Variants in RELL1 observed in about 807,000 individuals in gnomAD.
The protein encoded by RELL1 is RELT-like protein 1.
In RELL1, 10 loss-of-function variants were observed where a neutral mutation model predicts 23.0. The ratio of observed to expected loss-of-function variants is 0.43; its 90% CI spans 0.27 to 0.74. The LOEUF is 0.74. RELL1 is among the 30% of genes least tolerant of loss of function. The pLI is 0.19. For missense variants in RELL1, 315 were observed against 364.4 expected (o/e 0.86, Z 1.10); for synonymous variants, 146 against 146.8 (o/e 0.99, Z 0.04).
At chr4:37,680,399 G>A (rs1054355483) in intron 1 of RELL1, among the ~76,000 whole-genome samples, 4 of 152,108 alleles carry the variant, frequency 2.6e-5, no homozygotes, top group Admixed American at 2.6e-4. Context: ...ATGCACAGAG[G>A]CATTCATTGA....
downstream of RELL1, among the ~76,000 whole-genome samples, chr4:37,607,785 TC>T (rs1719268690): frequency 6.6e-6 from 1 of 152,060 alleles, no homozygotes; most frequent in Non-Finnish European, 1.5e-5. Context: ...AGACAAGGTT[TC>T]ACCATGGTGG....
intron 6 of RELL1, among the ~76,000 whole-genome samples, chr4:37,592,876 C>T (rs529248311): frequency 6.6e-6 from 1 of 152,322 alleles, no homozygotes; most frequent in South Asian, 2.1e-4. Flanking sequence ...ATTTTTACAT[C>T]CCCACAACTG....
At chr4:37,605,797 A>AGAGAGAG (rs772155221), downstream of RELL1, among the ~76,000 whole-genome samples, 101 of 90,422 alleles carry the variant, frequency 1.1e-3, no homozygotes, top group African/African-American at 3.8e-3. Context: ...AAGAAAGAGA[A>AGAGAGAG]AGAAAGAAAG....
intron 6 of RELL1, among the ~76,000 whole-genome samples, chr4:37,624,574 CCA>C (rs1719877339): frequency 6.6e-6 from 1 of 151,784 alleles, no homozygotes; most frequent in Non-Finnish European, 1.5e-5. Flanking sequence ...CAGGCACCCG[CCA>C]CCACGCCCGG....
chr4:37,675,532 G>C (rs1721999343), intron 1 of RELL1, among the ~76,000 whole-genome samples: 1 of 152,218 alleles, frequency 6.6e-6, no homozygotes. Flanking sequence ...CATATGCTCA[G>C]CTGCCTCAAG....
At chr4:37,671,261 T>A (rs1200758987) in intron 1 of RELL1, among the ~76,000 whole-genome samples, 1 of 152,152 alleles carries the variant, frequency 6.6e-6, no homozygotes, top group Non-Finnish European at 1.5e-5. Context: ...ATCAGAGGCG[T>A]TTGAACCAGA....
At chr4:37,630,368 T>TTC (rs1553873315) in intron 6 of RELL1, among the ~76,000 whole-genome samples, 1 of 132,972 alleles carries the variant, frequency 7.5e-6, no homozygotes, top group Admixed American at 7.7e-5. Context: ...TTTTTTTTTT[T>TTC]TTTTTTTTTT....
downstream of RELL1, among the ~76,000 whole-genome samples, chr4:37,609,272 G>C (rs558275697): frequency 6.6e-6 from 1 of 152,250 alleles, no homozygotes; most frequent in South Asian, 2.1e-4. Flanking sequence ...AAACAGCCTA[G>C]ATAACAGCAC....
chr4:37,677,534 TA>T (rs1053152089), intron 1 of RELL1, among the ~76,000 whole-genome samples: 1 of 152,154 alleles, frequency 6.6e-6, no homozygotes, highest in African/African-American at 2.4e-5. Flanking sequence ...CATCAAATAC[TA>T]AAGAAAAACT....
chr4:37,639,739 C>A (rs929424023), intron 3 of RELL1, among the ~76,000 whole-genome samples: 2 of 152,230 alleles, frequency 1.3e-5, no homozygotes, highest in African/African-American at 4.8e-5. Context: ...GCACTGTTCT[C>A]ATGACTAACC....
intron 1 of RELL1, among the ~76,000 whole-genome samples, chr4:37,653,014 G>A (rs1319292219): frequency 6.6e-6 from 1 of 152,154 alleles, no homozygotes; most frequent in Non-Finnish European, 1.5e-5. Flanking sequence ...TGACTAATCT[G>A]TGATAATTTT....
At chr4:37,667,822 T>C (rs1026336141) in intron 1 of RELL1, among the ~76,000 whole-genome samples, 2 of 152,048 alleles carry the variant, frequency 1.3e-5, no homozygotes, top group African/African-American at 4.8e-5. Context: ...CTGATCTACA[T>C]ATAACACTGA....
downstream of RELL1, chr4:37,590,319 C>T (rs750078312): frequency 8.7e-6 from 14 of 1,613,648 alleles, no homozygotes; most frequent in South Asian, 3.3e-5. Context: ...CACAGGGGGA[C>T]GCTGGAGGGG....
At chr4:37,658,020 G>A (rs1258471580) in intron 1 of RELL1, among the ~76,000 whole-genome samples, 1 of 152,140 alleles carries the variant, frequency 6.6e-6, no homozygotes, top group Non-Finnish European at 1.5e-5. Flanking sequence ...TGGGTAGGAG[G>A]ATTACTTGAG....
chr4:37,676,677 C>T (rs1206194533), intron 1 of RELL1, among the ~76,000 whole-genome samples: 1 of 152,162 alleles, frequency 6.6e-6, no homozygotes, highest in Non-Finnish European at 1.5e-5. Flanking sequence ...CCCACAGAGG[C>T]TGGCAGACAA....
chr4:37,632,700 T>C (rs953630331), intron 5 of RELL1, among the ~76,000 whole-genome samples: 1 of 148,936 alleles, frequency 6.7e-6, no homozygotes, highest in Non-Finnish European at 1.5e-5. Context: ...GAGTAAGCCT[T>C]TAAAAAAAAT....
At chr4:37,605,527 AG>A (rs925463706) in intron 6 of RELL1, among the ~76,000 whole-genome samples, 19 of 152,086 alleles carry the variant, frequency 1.2e-4, no homozygotes, top group African/African-American at 3.9e-4. Context: ...GGATCACTTG[AG>A]GCCAGGAGTT....
intron 6 of RELL1, among the ~76,000 whole-genome samples, chr4:37,620,363 A>G (rs574309498): frequency 9.2e-5 from 14 of 152,318 alleles, no homozygotes; most frequent in African/African-American, 3.1e-4. Context: ...TTTAGCAACA[A>G]TGGGTTTCCC....
intron 1 of RELL1, among the ~76,000 whole-genome samples, chr4:37,658,981 A>G (rs1419793316): frequency 1.3e-5 from 2 of 152,190 alleles, no homozygotes; most frequent in Non-Finnish European, 2.9e-5. Context: ...CCCAACTCCC[A>G]AATCACAGCT....
Sources: gnomAD v4.1 joint callset for allele counts (sites outside exome capture counted in the v4.1 genomes callset) on GRCh38, gnomAD v4.1.1 for gene constraint, MANE v1.5 for transcripts, NCBI Gene and HGNC (gene_info 2026-07-23, HGNC 2026-07-21) for gene names.